UMAD1: variants seen among roughly 807,000 people sequenced by gnomAD.
UMAD1 encodes the protein UBAP1-MVB12-associated (UMA) domain containing 1, also known as UBAP1-MVB12-associated (UMA)-domain containing protein 1.
A neutral mutation model predicts 6.1 loss-of-function variants in UMAD1; 8 were observed. The observed-to-expected ratio is 1.30, with a 90% CI of 0.76 to 2.35. The LOEUF is 2.35. Ranked by LOEUF, UMAD1 falls within the 30% of genes most tolerant of loss-of-function variation. The pLI is 0.00. For missense variants in UMAD1, 130 were observed against 78.4 expected (o/e 1.66, Z -2.49); for synonymous variants, 56 against 31.4 (o/e 1.78, Z -2.61).
chr7:7,665,594 C>A (rs1583709749), intron 1 of UMAD1, among the ~76,000 whole-genome samples: 1 of 152,270 alleles, frequency 6.6e-6, no homozygotes, highest in African/African-American at 2.4e-5. Flanking sequence ...TGTGCTTATA[C>A]TGCTGAAACA....
intron 2 of UMAD1, chr7:7,772,382 G>T (rs953104527): frequency 1.3e-5 from 2 of 152,278 alleles, no homozygotes; most frequent in Admixed American, 1.3e-4. Flanking sequence ...TTAGTCACAG[G>T]CAGTTTAAGC....
At chr7:7,741,397 C>T (rs1015467910) in intron 2 of UMAD1, among the ~76,000 whole-genome samples, 3 of 151,802 alleles carry the variant, frequency 2.0e-5, no homozygotes, top group Non-Finnish European at 4.4e-5. Context: ...CAGTGAAACC[C>T]CATCTCTACT....
intron 3 of UMAD1, among the ~76,000 whole-genome samples, chr7:7,837,484 G>A (rs909764854): frequency 5.9e-5 from 9 of 152,090 alleles, no homozygotes; most frequent in African/African-American, 1.9e-4. Flanking sequence ...TAGAGTGAAA[G>A]CATTCTAAAG....
At chr7:7,642,119 A>T (rs554676347) in intron 1 of UMAD1, among the ~76,000 whole-genome samples, 3 of 152,172 alleles carry the variant, frequency 2.0e-5, no homozygotes, top group Admixed American at 2.0e-4. Flanking sequence ...AGGGGAGAGT[A>T]CACACATCAA....
At chr7:7,725,164 C>T (rs1031076553) in intron 2 of UMAD1, among the ~76,000 whole-genome samples, 3 of 152,182 alleles carry the variant, frequency 2.0e-5, no homozygotes, top group African/African-American at 4.8e-5. Flanking sequence ...GCATTTGGCT[C>T]CTCCTACAAC....
At chr7:7,673,144 C>A (rs970770753) in intron 1 of UMAD1, among the ~76,000 whole-genome samples, 165 bp from the exon 2 acceptor site, 8 of 152,194 alleles carry the variant, frequency 5.3e-5, no homozygotes, top group African/African-American at 1.9e-4. Flanking sequence ...AGATCATTTT[C>A]TAGCTTTGTC....
intron 3 of UMAD1, among the ~76,000 whole-genome samples, chr7:7,837,300 A>G (rs1783589515): frequency 2.0e-5 from 3 of 152,122 alleles, no homozygotes; most frequent in South Asian, 4.1e-4. Flanking sequence ...TCTAAAGGAA[A>G]TTCTAAGTGA....
At chr7:7,654,672 G>A (rs1785300089) in intron 1 of UMAD1, among the ~76,000 whole-genome samples, 1 of 152,156 alleles carries the variant, frequency 6.6e-6, no homozygotes, top group African/African-American at 2.4e-5. Context: ...GGAGCACAAG[G>A]TGGGCTGATC....
chr7:7,793,459 G>A (rs1782609727), intron 2 of UMAD1, among the ~76,000 whole-genome samples: 1 of 152,192 alleles, frequency 6.6e-6, no homozygotes, highest in African/African-American at 2.4e-5. Context: ...AACACTCCCA[G>A]AGGGTATTTG....
chr7:7,765,744 ACT>A (rs749891493), intron 2 of UMAD1, among the ~76,000 whole-genome samples: 12 of 152,180 alleles, frequency 7.9e-5, no homozygotes, highest in South Asian at 6.2e-4. Flanking sequence ...TGAGCTTCAA[ACT>A]CTCTGTTAGG....
intron 3 of UMAD1, among the ~76,000 whole-genome samples, chr7:7,874,333 A>G (rs1458831790): frequency 2.0e-5 from 3 of 152,166 alleles, no homozygotes; most frequent in Admixed American, 6.5e-5. Flanking sequence ...CACCTCTACT[A>G]TCTGCTGTCA....
chr7:7,839,346 G>A (rs1433967749), intron 3 of UMAD1, among the ~76,000 whole-genome samples: 5 of 152,020 alleles, frequency 3.3e-5, no homozygotes, highest in Admixed American at 6.6e-5. Flanking sequence ...CCCAAGCTGG[G>A]ACCACAGACA....
chr7:7,652,804 G>C (rs1323256778), intron 1 of UMAD1, among the ~76,000 whole-genome samples: 4 of 152,210 alleles, frequency 2.6e-5, no homozygotes, highest in African/African-American at 4.8e-5. Flanking sequence ...GAAGTAGTAA[G>C]CCTTCTGATG....
intron 3 of UMAD1, among the ~76,000 whole-genome samples, chr7:7,857,810 C>G (rs2115329795): frequency 6.6e-6 from 1 of 152,280 alleles, no homozygotes; most frequent in Non-Finnish European, 1.5e-5. Context: ...AAAATGGTGT[C>G]CTCCAGATTC....
chr7:7,681,633 C>T (rs758092240), intron 2 of UMAD1, among the ~76,000 whole-genome samples: 103 of 152,070 alleles, frequency 6.8e-4, no homozygotes, highest in Admixed American at 3.2e-3. Flanking sequence ...CTCCAGGGTA[C>T]TCATTTTACA....
At chr7:7,837,682 G>C (rs1157492131) in intron 3 of UMAD1, among the ~76,000 whole-genome samples, 1 of 150,530 alleles carries the variant, frequency 6.6e-6, no homozygotes, top group African/African-American at 2.4e-5. Context: ...AAAAAGAAAG[G>C]GAGACGAAGC....
chr7:7,688,041 T>C (rs1780080727), intron 2 of UMAD1, among the ~76,000 whole-genome samples: 1 of 152,206 alleles, frequency 6.6e-6, no homozygotes. Context: ...CTGTTGCTGT[T>C]GCTATGTTAG....
intron 3 of UMAD1, among the ~76,000 whole-genome samples, chr7:7,849,136 T>G (rs1348771219): frequency 6.6e-6 from 1 of 152,188 alleles, no homozygotes; most frequent in Non-Finnish European, 1.5e-5. Context: ...ACTTACTGCA[T>G]TCTGCATTCT....
intron 3 of UMAD1, among the ~76,000 whole-genome samples, chr7:7,803,400 G>A (rs1336694097): frequency 6.6e-6 from 1 of 152,158 alleles, no homozygotes. Context: ...GCTTGAGCCC[G>A]GGAATTCAAG....
Sources: allele counts gnomAD v4.1 joint callset (sites outside exome capture counted in the v4.1 genomes callset), GRCh38; gene constraint gnomAD v4.1.1; transcripts MANE v1.5; gene names NCBI Gene and HGNC (gene_info 2026-07-23, HGNC 2026-07-21).